The following IGF1R variants were observed in gnomAD, a reference collection of about 807,000 sequenced individuals.
IGF1R encodes insulin-like growth factor 1 receptor.
A neutral mutation model predicts 144.6 loss-of-function variants in IGF1R; 44 were observed. That is an observed-to-expected ratio of 0.30 (90% CI 0.24 to 0.39). The LOEUF (loss-of-function observed/expected upper bound fraction) is 0.39, where lower values mean the gene tolerates loss of function less well. Ranked by LOEUF, IGF1R falls within the 10% of genes least tolerant of loss-of-function variation. The pLI is 1.00. For missense variants in IGF1R, 1,355 were observed against 1,833.7 expected, an observed-to-expected ratio of 0.74 and a Z score of 4.77; for synonymous variants, 795 against 722.8, an observed-to-expected ratio of 1.10 and a Z score of -1.60.
chr15:98,849,861 C>G (rs2011471177), intron 2 of IGF1R, among the ~76,000 whole-genome samples: 1 of 152,120 alleles, frequency 6.6e-6, no homozygotes, highest in South Asian at 2.1e-4. Flanking sequence ...ACCAAGATAC[C>G]ATTTTTTCAC....
rs1478435832 is a variant in IGF1R at position 98,728,665 on chromosome 15, G to A, written c.640+20558G>A. ...TATGCTGATGCCCAGGGCCGCCTGG[G>A]CGGGGTCAGGCCCCCATCGCTTCTT... is the stretch of plus-strand genomic sequence containing the variant. On this transcript the variant is annotated intron_variant, in intron 2 of 20. Coordinates refer to ENST00000650285, the MANE Select transcript of IGF1R (RefSeq NM_000875.5). 2.0e-5 allele frequency among the ~76,000 whole-genome samples: 3 copies of A among 152,258 alleles called. No individual in the cohort carries two copies. In the East Asian group the frequency reaches 5.8e-4, roughly 29 times the overall value.
chr15:98,894,179 A>G (rs1387293925), intron 3 of IGF1R, among the ~76,000 whole-genome samples: 1 of 151,994 alleles, frequency 6.6e-6, no homozygotes, highest in East Asian at 1.9e-4. Flanking sequence ...GGCTCAAGTG[A>G]TCCTCCTGCC....
intron 2 of IGF1R, among the ~76,000 whole-genome samples, chr15:98,733,077 T>C (rs1456932566): frequency 6.6e-6 from 1 of 152,138 alleles, no homozygotes; most frequent in Non-Finnish European, 1.5e-5. Flanking sequence ...TGTCTACGTG[T>C]GGGTGAACAC....
chr15:98,758,287 A>G (rs570390004), intron 2 of IGF1R, among the ~76,000 whole-genome samples: 19 of 151,568 alleles, frequency 1.3e-4, no homozygotes, highest in Admixed American at 6.6e-5. Flanking sequence ...CTTCCCGTCT[A>G]GTTCTCCTTT....
chr15:98,659,474 G>A (rs1002178767), intron 1 of IGF1R, among the ~76,000 whole-genome samples: 9 of 152,146 alleles, frequency 5.9e-5, no homozygotes, highest in Non-Finnish European at 1.3e-4. Context: ...GGAAGATAGC[G>A]ATCCCAACCC....
At chr15:98,876,806 C>A (rs1322659237) in intron 2 of IGF1R, among the ~76,000 whole-genome samples, 1 of 152,146 alleles carries the variant, frequency 6.6e-6, no homozygotes, top group Non-Finnish European at 1.5e-5. Context: ...ATTCTGTTAA[C>A]GAGAATGTAT....
At chr15:98,893,005 C>T (rs765182535) in intron 3 of IGF1R, among the ~76,000 whole-genome samples, 1 of 152,098 alleles carries the variant, frequency 6.6e-6, no homozygotes, top group Non-Finnish European at 1.5e-5. Flanking sequence ...CAACAGAGAC[C>T]CTGTCTCAAA....
intron 1 of IGF1R, among the ~76,000 whole-genome samples, chr15:98,666,108 C>T (rs563403969): frequency 6.6e-6 from 1 of 152,224 alleles, no homozygotes; most frequent in East Asian, 1.9e-4. Context: ...GGCAAATAGG[C>T]ACATGAAAAG....
rs191628325 is a variant in IGF1R, at chr15:98,650,009, C to T, written c.94+334C>T. ...GTGCCGGGGCGGGCTCCGCGGTTCC[C>T]GGGCCCCGCGACCCGCACCTCGCCC... On this transcript the variant is annotated intron_variant, in intron 1 of 20. Coordinates refer to ENST00000650285, the MANE Select transcript of IGF1R (RefSeq NM_000875.5). Among the ~76,000 whole-genome samples, 649 of 152,236 alleles carry T rather than the reference C, an allele frequency of 4.3e-3. 22 individuals carry two copies. Among genetic ancestry groups the T allele is most frequent in the Admixed American group, 0.036 (555 of 15,308 alleles).
At chr15:98,751,794 A>G (rs923848924) in intron 2 of IGF1R, among the ~76,000 whole-genome samples, 1 of 152,192 alleles carries the variant, frequency 6.6e-6, no homozygotes, top group Non-Finnish European at 1.5e-5. Context: ...AAATGTTCAC[A>G]TTGTCTTTGG....
intron 1 of IGF1R, among the ~76,000 whole-genome samples, chr15:98,702,821 C>G (rs2053768948): frequency 6.6e-6 from 1 of 152,090 alleles, no homozygotes; most frequent in South Asian, 2.1e-4. Flanking sequence ...CCCTGTGGTC[C>G]CAGCTGCTTG....
At chr15:98,668,472 G>A (rs1025265264) in intron 1 of IGF1R, among the ~76,000 whole-genome samples, 5 of 152,196 alleles carry the variant, frequency 3.3e-5, no homozygotes, top group Non-Finnish European at 5.9e-5. Flanking sequence ...TCAGGATGGC[G>A]CTGAGCACAT....
intron 3 of IGF1R, among the ~76,000 whole-genome samples, chr15:98,895,019 T>TC (rs2014111017): frequency 8.9e-6 from 1 of 112,944 alleles, no homozygotes; most frequent in East Asian, 4.2e-4. Context: ...AGACCCTGTC[T>TC]CAAAAAAAAA....
In IGF1R at chr15:98,712,738, T is replaced by C. The variant is rs7171106; in HGVS notation, c.640+4631T>C. 7.6e-3 allele frequency among the ~76,000 whole-genome samples: 1,151 copies of C among 151,674 alleles called. 20 individuals carry two copies. The highest frequency in any genetic ancestry group is 0.027 in the African/African-American group (1,099 of 41,298). On this transcript the variant is annotated intron_variant, in intron 2 of 20. Transcript: ENST00000650285. ...GATTCTACTGCCTCAGCCTCCTGAG[T>C]AGCTGGGATTACAGGCCCGCACCAC... is the stretch of plus-strand genomic sequence containing the variant.
intron 2 of IGF1R, among the ~76,000 whole-genome samples, chr15:98,798,830 A>T (rs2056302765): frequency 6.6e-6 from 1 of 152,150 alleles, no homozygotes; most frequent in Non-Finnish European, 1.5e-5. Flanking sequence ...GTGAGATGGC[A>T]TAGGGACAAT....
chr15:98,728,450 C>A (rs565715644), intron 2 of IGF1R, among the ~76,000 whole-genome samples: 1 of 152,364 alleles, frequency 6.6e-6, no homozygotes, highest in South Asian at 2.1e-4. Context: ...CACATCACCT[C>A]CCAGCAAGAG....
intron 2 of IGF1R, among the ~76,000 whole-genome samples, chr15:98,807,286 A>T (rs550667071): frequency 1.3e-5 from 2 of 152,220 alleles, no homozygotes; most frequent in Non-Finnish European, 2.9e-5. Context: ...TCCTGGATAT[A>T]TGAATAGATG....
chr15:98,807,820 G>A (rs890961065), intron 2 of IGF1R, among the ~76,000 whole-genome samples: 5 of 152,174 alleles, frequency 3.3e-5, no homozygotes, highest in East Asian at 1.9e-4. Flanking sequence ...TCAAGCAGTC[G>A]GATTTTCTGT....
chr15:98,735,253 C>T (rs2054584787), intron 2 of IGF1R, among the ~76,000 whole-genome samples: 4 of 152,116 alleles, frequency 2.6e-5, no homozygotes, highest in South Asian at 2.1e-4. Flanking sequence ...GAAGAAAGCC[C>T]GTTTCAATTG....
Sources: gnomAD v4.1 joint callset for allele counts (sites outside exome capture counted in the v4.1 genomes callset) on GRCh38, gnomAD v4.1.1 for gene constraint, MANE v1.5 for transcripts, NCBI Gene and HGNC (gene_info 2026-07-23, HGNC 2026-07-21) for gene names.